ISY1: variants seen among roughly 807,000 people sequenced by gnomAD.
ISY1 encodes pre-mRNA-splicing factor ISY1 homolog.
Under a neutral mutation model 54.4 loss-of-function variants are expected in ISY1, and 12 were observed. The observed-to-expected ratio is 0.22, with a 90% CI of 0.14 to 0.36. ISY1 has a LOEUF of 0.36. Among genes scored for constraint, ISY1 ranks in the 10% least tolerant of loss-of-function variants. The pLI is 1.00. For missense variants in ISY1, 282 were observed against 342.2 expected, an observed-to-expected ratio of 0.82 and a Z score of 1.39; for synonymous variants, 96 against 117.9, an observed-to-expected ratio of 0.81 and a Z score of 1.20.
At chr3:129,132,713 T>G (rs1936270465) in intron 9 of ISY1, among the ~76,000 whole-genome samples, 1 of 152,188 alleles carries the variant, frequency 6.6e-6, no homozygotes, top group South Asian at 2.1e-4. Context: ...TGTACCACCA[T>G]GCCCCTGCAC....
intron 5 of ISY1, among the ~76,000 whole-genome samples, chr3:129,147,857 C>G (rs1448146256): frequency 2.0e-5 from 3 of 152,136 alleles, no homozygotes; most frequent in Admixed American, 6.5e-5. Context: ...TCCAGAACAT[C>G]ATATAAATGG....
chr3:129,135,447 G>A (rs893079703), intron 7 of ISY1, among the ~76,000 whole-genome samples: 8 of 152,076 alleles, frequency 5.3e-5, no homozygotes, highest in African/African-American at 9.7e-5. Context: ...CCATTTGTCC[G>A]TTTAAAAGCA....
chr3:129,157,154 G>A (rs1484576414), intron 3 of ISY1, among the ~76,000 whole-genome samples: 1 of 152,070 alleles, frequency 6.6e-6, no homozygotes, highest in African/African-American at 2.4e-5. Context: ...GCAATAGAGA[G>A]ACAGCCAAAC....
chr3:129,136,694 T>C (rs898565204), intron 7 of ISY1, among the ~76,000 whole-genome samples: 25 of 148,794 alleles, frequency 1.7e-4, no homozygotes, highest in African/African-American at 4.9e-4. Context: ...TCTTCTTCTT[T>C]TTTTTTTTTT....
chr3:129,152,655 C>G (rs1937012731), intron 5 of ISY1, among the ~76,000 whole-genome samples: 1 of 152,210 alleles, frequency 6.6e-6, no homozygotes, highest in South Asian at 2.1e-4. Flanking sequence ...ATCCACCCAC[C>G]TTGGCCTCCC....
rs1446242599 is a variant in ISY1 at position 129,140,216 on chromosome 3, A to C, written c.418+152T>G. ...GGCCTATGATTCTATCCCAGTTCTT[A>C]AGAATTCTCAGTTAAAATCTGGGAA... On this transcript the variant is annotated intron_variant, in intron 7 of 10. Coordinates refer to ENST00000393295, the MANE Select transcript of ISY1 (RefSeq NM_020701.4). 4 of 711,002 alleles carry C rather than the reference A, an allele frequency of 5.6e-6. No homozygotes were observed. In the East Asian group the frequency reaches 1.1e-4, roughly 19 times the overall value. The allele number at this position is 711,002 out of a possible 1,614,324, so 44.0% of individuals were successfully genotyped here. A position where few individuals can be genotyped will look rare whatever the true frequency, so the allele number is the denominator to read the frequency against.
chr3:129,152,577 T>G (rs1432001998), intron 5 of ISY1, among the ~76,000 whole-genome samples: 2 of 151,886 alleles, frequency 1.3e-5, no homozygotes, highest in Non-Finnish European at 2.9e-5. Flanking sequence ...CTAATTTTTT[T>G]GTATTTTTAG....
intron 10 of ISY1, 59 bp downstream of exon 10, chr3:129,130,491 T>C (rs1217651790): frequency 1.3e-6 from 2 of 1,597,942 alleles, no homozygotes; most frequent in Non-Finnish European, 1.7e-6. Context: ...TACAGTGCTC[T>C]GTGAAGTCTG....
At chr3:129,140,743 G>A (rs1936581842) in intron 6 of ISY1, among the ~76,000 whole-genome samples, 1 of 151,764 alleles carries the variant, frequency 6.6e-6, no homozygotes, top group Non-Finnish European at 1.5e-5. Flanking sequence ...GCTAATTTTT[G>A]TATTTTTAGT....
In ISY1 at chr3:129,127,633, TC is replaced by T; in HGVS notation, c.*2447del. On this transcript the variant is annotated 3_prime_UTR_variant, in exon 11 of 11. Transcript: ENST00000393295. Reference sequence around the variant, plus strand: ...TGGGCACAGACAAGTAGCAAGGGCCTCTGCCAGGAACACCTAGAGGATGTCC... The same window carrying T: ...TGGGCACAGACAAGTAGCAAGGGCCTTGCCAGGAACACCTAGAGGATGTCC... 6.6e-6 allele frequency: 1 copy of T among 152,390 alleles called. No homozygotes were observed. The highest frequency in any genetic ancestry group is 1.9e-4 in the East Asian group (1 of 5,168). The allele number at this position is 152,390 out of a possible 1,614,324, so 9.4% of individuals were successfully genotyped here.
chr3:129,130,159 T>A lies in ISY1; in HGVS notation c.780A>T (p.Lys260Asn). 6.2e-7 allele frequency: 1 copy of A among 1,611,880 alleles called. No individual in the cohort carries two copies. Among genetic ancestry groups the A allele is most frequent in the Non-Finnish European group, 8.5e-7 (1 of 1,179,270 alleles). Residue 260 changes from lysine (K) to asparagine (N), a missense_variant, in exon 11 of 11, where the codon AAA (lysine) becomes AAT (asparagine). Coordinates refer to ENST00000393295, the MANE Select transcript of ISY1 (RefSeq NM_020701.4). Reference sequence around the variant, plus strand: ...TTGCATACTTCTGGAGGAGTTCCATTTTCTTCCTTCGCACCAGTGCCTCCT... The same window carrying A: ...TTGCATACTTCTGGAGGAGTTCCATATTCTTCCTTCGCACCAGTGCCTCCT... ...EIEEALVRRK[K>N]MELLQKYASE...
intron 7 of ISY1, among the ~76,000 whole-genome samples, chr3:129,138,395 G>A (rs1560015929): frequency 6.6e-6 from 1 of 151,690 alleles, no homozygotes; most frequent in East Asian, 1.9e-4. Flanking sequence ...CAGCACTTTG[G>A]GAAGCTGAGG....
chr3:129,159,298 T>C, intron 1 of ISY1, 122 bp from the exon 2 acceptor site: 3 of 1,284,250 alleles, frequency 2.3e-6, no homozygotes, highest in African/African-American at 1.5e-5. Context: ...TGAAGTACTA[T>C]ATGAACAACA....
intron 7 of ISY1, among the ~76,000 whole-genome samples, chr3:129,136,486 C>T (rs1167358059): frequency 6.6e-6 from 1 of 151,982 alleles, no homozygotes; most frequent in East Asian, 1.9e-4. Flanking sequence ...GTGACTCATG[C>T]CTGTAATCCC....
At chr3:129,140,635 G>A (rs572335100) in intron 6 of ISY1, 150 bp from the exon 7 acceptor site, 1 of 807,760 alleles carries the variant, frequency 1.2e-6, no homozygotes, top group South Asian at 1.9e-5. Flanking sequence ...GAGTGCAGTA[G>A]CACAATCTCA....
chr3:129,155,659 T>C, intron 5 of ISY1, among the ~76,000 whole-genome samples: 1 of 152,176 alleles, frequency 6.6e-6, no homozygotes, highest in East Asian at 1.9e-4. Context: ...AATTTCCAAA[T>C]ATTTAGGAAT....
intron 9 of ISY1, 109 bp downstream of exon 9, chr3:129,133,965 G>C (rs1576870155): frequency 6.5e-7 from 1 of 1,544,796 alleles, no homozygotes; most frequent in Non-Finnish European, 8.7e-7. Context: ...AGGTGAGCAA[G>C]CTGGGCTGTG....
At chr3:129,141,344 T>C (rs1936605677) in intron 6 of ISY1, among the ~76,000 whole-genome samples, 1 of 151,954 alleles carries the variant, frequency 6.6e-6, no homozygotes, top group Non-Finnish European at 1.5e-5. Context: ...ATGGGCAACA[T>C]GGCAAAACCC....
rs932917388 is a variant in ISY1, at chr3:129,155,387, G to A, written c.187+1246C>T. On this transcript the variant is annotated intron_variant, in intron 5 of 10. Coordinates refer to ENST00000393295, the MANE Select transcript of ISY1 (RefSeq NM_020701.4). ...TATTTGTATTTTTAGTAGAGACAGG[G>A]TTTCACCATGTTGGCCAGGATAGTC... Among the ~76,000 whole-genome samples, 3 of 151,630 alleles carry A rather than the reference G, an allele frequency of 2.0e-5. No individual in the cohort carries two copies. In the South Asian group the frequency reaches 6.3e-4, roughly 32 times the overall value.
Sources: gnomAD v4.1 joint callset for allele counts (sites outside exome capture counted in the v4.1 genomes callset) on GRCh38, gnomAD v4.1.1 for gene constraint, MANE v1.5 for transcripts, NCBI Gene and HGNC (gene_info 2026-07-23, HGNC 2026-07-21) for gene names.